The following STK11IP variants were observed in gnomAD, a reference collection of about 807,000 sequenced individuals.
The protein encoded by STK11IP is serine/threonine-protein kinase 11-interacting protein.
STK11IP carries 103 observed loss-of-function variants against 131.7 expected under a neutral mutation model. The observed-to-expected ratio is 0.78, with a 90% CI of 0.67 to 0.92. The LOEUF (loss-of-function observed/expected upper bound fraction) is 0.92, where lower values mean the gene tolerates loss of function less well. STK11IP is among the 40% of genes least tolerant of loss of function. The probability of loss-of-function intolerance (pLI) is 0.00; values close to 1 mark genes in which losing one functional copy is unlikely to be tolerated. For synonymous variants in STK11IP, 557 were observed against 575.6 expected (o/e 0.97, Z 0.46); for missense variants, 1,315 against 1,385.7 (o/e 0.95, Z 0.81).
Position 219,598,103 on chromosome 2 carries a change from C to G in STK11IP, c.-17C>G. On this transcript the variant is annotated 5_prime_UTR_variant, in exon 2 of 25. Coordinates refer to ENST00000456909, the MANE Select transcript of STK11IP (RefSeq NM_052902.4). ...CTCTTTCCCCCCCCAGGCTCCGCCC[C>G]CCAGCGTCCCGTGGCCATGACGACC... 1 of 1,587,600 alleles carries G rather than the reference C, an allele frequency of 6.3e-7. No homozygotes were observed. Among genetic ancestry groups the G allele is most frequent in the Non-Finnish European group, 8.6e-7 (1 of 1,167,700 alleles).
intron 2 of STK11IP, 140 bp downstream of exon 2, chr2:219,598,320 C>T: frequency 3.1e-6 from 2 of 642,350 alleles, no homozygotes; most frequent in Middle Eastern, 4.1e-4. Context: ...TTACTTTTCC[C>T]AGGTTTGTTC....
Position 219,602,095 on chromosome 2 carries a change from G to C in STK11IP, c.438+12G>C, listed in dbSNP as rs772134730. ...TCCAGGCATTAGAGGTAAGGAGAGT[G>C]AGGGGTGAGCTCAGACACCTCAACT... On this transcript the variant is annotated intron_variant, in intron 5 of 24. Coordinates refer to ENST00000456909, the MANE Select transcript of STK11IP (RefSeq NM_052902.4). 4.0e-5 allele frequency: 63 copies of C among 1,582,482 alleles called. No individual in the cohort carries two copies. Among genetic ancestry groups the C allele is most frequent in the Non-Finnish European group, 5.4e-5 (63 of 1,161,260 alleles).
At chr2:219,602,879 T>C (rs1698037072) in intron 7 of STK11IP, 103 bp downstream of exon 7, 10 of 1,163,996 alleles carry the variant, frequency 8.6e-6, no homozygotes, top group East Asian at 2.5e-5. Flanking sequence ...GCTCTTGCCA[T>C]GAGGGTGGAG....
At position 219,616,277 on chromosome 2, in the gene STK11IP, C is replaced by T; in HGVS notation, c.*84C>T. The T allele has an allele frequency of 1.3e-6, 2 of 1,495,524 alleles. No individual in the cohort carries two copies. Among genetic ancestry groups the T allele is most frequent in the Non-Finnish European group, 9.0e-7 (1 of 1,115,872 alleles). 92.6% of individuals were successfully genotyped at this position (1,495,524 alleles called of 1,614,324 possible). ...CTGGTCTCTGGGTCTGGCTTCCAGG[C>T]TCTGGCTGTGGATGTCTTCAGCCTC... On this transcript the variant is annotated 3_prime_UTR_variant, in exon 25 of 25. Coordinates refer to ENST00000456909, the MANE Select transcript of STK11IP (RefSeq NM_052902.4).
chr2:219,597,942 T>TA lies in STK11IP; in HGVS notation c.-27+20dup. 1 of 1,611,756 alleles carries TA rather than the reference T, an allele frequency of 6.2e-7. No homozygotes were observed. The highest frequency in any genetic ancestry group is 8.5e-7 in the Non-Finnish European group (1 of 1,178,972). ...AGGTTCGGTATGTCTGACCAGGACT[T>TA]ATGTTCCTCGAAAGGGCGGCCAGGA... On this transcript the variant is annotated intron_variant, in intron 1 of 24. Coordinates refer to ENST00000456909, the MANE Select transcript of STK11IP (RefSeq NM_052902.4).
In STK11IP at chr2:219,616,082, G is replaced by A. The variant is rs1559190277; in HGVS notation, c.3156G>A (p.Val1052=). The change falls in exon 25 of 25, where the codon GTG becomes GTA. Residue 1052 remains valine (V), a synonymous_variant. Transcript: ENST00000456909. ...AGAGCTTTTGGGCACTCCGTGTGGT[G>A]TGTCAGGAGCAGCTGACAGCCCTGC... ...RLESFWALRV[V]CQEQLTALLA... 2.5e-6 allele frequency: 4 copies of A among 1,613,906 alleles called. No homozygotes were observed. Among genetic ancestry groups the A allele is most frequent in the South Asian group, 2.2e-5 (2 of 91,084 alleles).
chr2:219,612,867 A>G (rs938201219), intron 19 of STK11IP, among the ~76,000 whole-genome samples: 4 of 152,174 alleles, frequency 2.6e-5, no homozygotes, highest in Non-Finnish European at 5.9e-5. Context: ...GTGCCTTAGA[A>G]TAGTTAGTCT....
rs1559179637 is a variant in STK11IP, at chr2:219,606,042, C to T, written c.832C>T (p.Leu278=). Residue 278 remains leucine (L), a synonymous_variant, in exon 9 of 25, where the codon CTG becomes TTG. Coordinates refer to ENST00000456909, the MANE Select transcript of STK11IP (RefSeq NM_052902.4). ...GHRELSPLWL[L]AELRKLYLEG... ...CCGGGAGCTGTCACCACTGTGGCTGCTGGCTGAGCTCCGCAAGGTGAGATG... is the reference window on the plus strand; with the variant it reads ...CCGGGAGCTGTCACCACTGTGGCTGTTGGCTGAGCTCCGCAAGGTGAGATG... 1 of 1,604,646 alleles carries T rather than the reference C, an allele frequency of 6.2e-7. No homozygotes were observed.
intron 7 of STK11IP, among the ~76,000 whole-genome samples, chr2:219,603,251 A>T (rs1231486859): frequency 6.6e-6 from 1 of 152,102 alleles, no homozygotes; most frequent in Non-Finnish European, 1.5e-5. Flanking sequence ...CATGTTGGTC[A>T]GGCTGGTCTT....
In STK11IP at chr2:219,615,080, C is replaced by T. The variant is rs1315687519; in HGVS notation, c.2870-14C>T. ...CTCCATGACCTTCCACACTGGATGC[C>T]TCTTTCCCTGCAGGCCCTTCCACCT... On this transcript the variant is annotated splice_polypyrimidine_tract_variant and intron_variant, in intron 23 of 24. Coordinates refer to ENST00000456909, the MANE Select transcript of STK11IP (RefSeq NM_052902.4). 6.2e-7 allele frequency: 1 copy of T among 1,604,826 alleles called. No homozygotes were observed. The highest frequency in any genetic ancestry group is 8.5e-7 in the Non-Finnish European group (1 of 1,177,108).
At chr2:219,603,995 G>A (rs903203810) in intron 7 of STK11IP, among the ~76,000 whole-genome samples, 2 of 152,118 alleles carry the variant, frequency 1.3e-5, no homozygotes, top group Non-Finnish European at 2.9e-5. Flanking sequence ...GGAAATGTAC[G>A]AAAAGCAGAA....
intron 13 of STK11IP, 93 bp downstream of exon 13, chr2:219,607,230 T>C: frequency 7.6e-7 from 1 of 1,307,716 alleles, no homozygotes. Context: ...AGAAATGTTA[T>C]TTTTTGTTGG....
At chr2:219,615,877 T>G (rs983914016) in intron 24 of STK11IP, 167 bp from the exon 25 acceptor site, 1 of 927,988 alleles carries the variant, frequency 1.1e-6, no homozygotes, top group Non-Finnish European at 1.7e-6. Context: ...TGGATTCTGT[T>G]TACAAAGCTC....
intron 13 of STK11IP, among the ~76,000 whole-genome samples, chr2:219,607,480 G>A (rs1396965615): frequency 1.3e-5 from 2 of 151,830 alleles, no homozygotes; most frequent in African/African-American, 4.8e-5. Context: ...AACATAGAGA[G>A]ATGTCCATTT....
chr2:219,606,179 C>G lies in STK11IP; in HGVS notation c.850-16C>G. ...GGGCCCCAGGCCCTCCTCATTCTCCCCTTCCTGCCCCTCAGCTCTACCTGG... is the reference window on the plus strand; with the variant it reads ...GGGCCCCAGGCCCTCCTCATTCTCCGCTTCCTGCCCCTCAGCTCTACCTGG... On this transcript the variant is annotated splice_polypyrimidine_tract_variant and intron_variant, in intron 9 of 24. Transcript: ENST00000456909. 6.4e-7 allele frequency: 1 copy of G among 1,556,560 alleles called. No homozygotes were observed. The highest frequency in any genetic ancestry group is 1.2e-5 in the South Asian group (1 of 84,498).
At position 219,607,132 on chromosome 2, in the gene STK11IP, C is replaced by T. The variant is rs369050835; in HGVS notation, c.1214C>T (p.Pro405Leu). ...GAGCCCCGAACTCTGAACCCCTCTC[C>T]GGCTGGTAAGTCAGCTTCATCCCAC... is the stretch of plus-strand genomic sequence containing the variant. ...DPEPRTLNPS[P>L]AGWFVQQHPE... The change falls in exon 13 of 25, where the codon CCG (proline) becomes CTG (leucine). Residue 405 changes from proline to leucine, a missense_variant. Physicochemically the swap from Pro to Leu is moderately conservative, Grantham distance 98. Transcript: ENST00000456909. The T allele has an allele frequency of 1.9e-4, 301 of 1,613,898 alleles. 1 individual carries two copies. The South Asian group carries it at 2.3e-3, about 12-fold the overall frequency.
intron 24 of STK11IP, 34 bp from the exon 25 acceptor site, chr2:219,616,010 T>G: frequency 6.2e-7 from 1 of 1,608,024 alleles, no homozygotes; most frequent in Non-Finnish European, 8.5e-7. Flanking sequence ...GTGGTCCCCA[T>G]GAGCCTCGCC....
In STK11IP at chr2:219,615,341, G is replaced by A; in HGVS notation, c.3117G>A (p.Glu1039=). 6.3e-7 allele frequency: 1 copy of A among 1,599,078 alleles called. No homozygotes were observed. Among genetic ancestry groups the A allele is most frequent in the Non-Finnish European group, 8.5e-7 (1 of 1,177,782 alleles). The change falls in exon 24 of 25, where the codon GAG becomes GAA. Residue 1039 remains glutamate (E), a splice_region_variant and synonymous_variant. Transcript: ENST00000456909. The part of the protein sequence containing the change: ...PEDLRLLFYD[E]VSRLESFWAL... ...ACTTGCGGCTGCTCTTCTACGATGA[G>A]GTGTGTATGTGTATCTCCAGTGAGA... is the stretch of plus-strand genomic sequence containing the variant.
rs371572582 is a variant in STK11IP, at chr2:219,610,426, G to A, written c.2104+886G>A. ...TTTTTTTTTCTTTTTTTTTTGAGACGGAGTCTCGCTCTGTTGCCCAGGCTG... is the reference window on the plus strand; with the variant it reads ...TTTTTTTTTCTTTTTTTTTTGAGACAGAGTCTCGCTCTGTTGCCCAGGCTG... On this transcript the variant is annotated intron_variant, in intron 17 of 24. Coordinates refer to ENST00000456909, the MANE Select transcript of STK11IP (RefSeq NM_052902.4). Among the ~76,000 whole-genome samples the A allele has an allele frequency of 2.2e-3, 335 of 151,048 alleles. 1 individual carries two copies. The highest frequency in any genetic ancestry group is 0.014 in the Middle Eastern group (4 of 292).
Sources: allele counts gnomAD v4.1 joint callset (sites outside exome capture counted in the v4.1 genomes callset), GRCh38; gene constraint gnomAD v4.1.1; transcripts MANE v1.5; gene names NCBI Gene and HGNC (gene_info 2026-07-23, HGNC 2026-07-21).